Variants in METTL15 observed in about 807,000 individuals in gnomAD.
The protein encoded by METTL15 is methyltransferase 15, mitochondrial 12S rRNA N4-cytidine.
A neutral mutation model predicts 38.3 loss-of-function variants in METTL15; 34 were observed. The observed-to-expected ratio is 0.89, with a 90% confidence interval of 0.68 to 1.18. The LOEUF is 1.18. METTL15 is among the 50% of genes most tolerant of loss of function. The pLI is 0.00. For synonymous variants in METTL15, 162 were observed against 170.9 expected (o/e 0.95, Z 0.41); for missense variants, 438 against 498.4 (o/e 0.88, Z 1.15).
intron 6 of METTL15, among the ~76,000 whole-genome samples, chr11:28,303,306 G>T (rs1000594331): frequency 6.6e-6 from 1 of 152,032 alleles, no homozygotes; most frequent in African/African-American, 2.4e-5. Flanking sequence ...TAATAGTTAT[G>T]ATAATAATCA....
At chr11:28,455,216 CTTTTTTTT>C (rs34686157) in intron 6 of METTL15, among the ~76,000 whole-genome samples, 39 of 85,832 alleles carry the variant, frequency 4.5e-4, no homozygotes, top group African/African-American at 1.4e-3. Flanking sequence ...GATCAGCTAG[CTTTTTTTT>C]TTTTTTTTTT....
At chr11:28,223,962 T>A (rs564384395) in intron 4 of METTL15, among the ~76,000 whole-genome samples, 1 of 152,188 alleles carries the variant, frequency 6.6e-6, no homozygotes, top group South Asian at 2.1e-4. Flanking sequence ...ATACTAAGTT[T>A]AGAGAATATA....
chr11:28,385,960 A>G lies in METTL15; in HGVS notation c.*358+23924A>G, dbSNP rs956907534. On this transcript the variant is annotated intron_variant and NMD_transcript_variant, in intron 5 of 7. Transcript: ENST00000532947. ...ATTGTAAAATTATGTTAATGGATAC[A>G]AAATACATATAACAAACAAAGTATG... Among the ~76,000 whole-genome samples the G allele has an allele frequency of 3.9e-5, 6 of 152,148 alleles. No individual in the cohort carries two copies. The East Asian group carries it at 1.2e-3, about 29-fold the overall frequency.
At chr11:28,307,239 C>T (rs1857113515) in intron 6 of METTL15, among the ~76,000 whole-genome samples, 2 of 151,912 alleles carry the variant, frequency 1.3e-5, no homozygotes, top group Admixed American at 1.3e-4. Flanking sequence ...CTTCTTACCT[C>T]TCCTAATACA....
At position 28,332,433 on chromosome 11, in the gene METTL15, AT is replaced by A. The variant is rs1427637097; in HGVS notation, c.*1595del. 6.6e-6 allele frequency: 1 copy of A among 151,968 alleles called. No individual in the cohort carries two copies. The highest frequency in any genetic ancestry group is 1.5e-5 in the Non-Finnish European group (1 of 68,004). The allele number at this position is 151,968 out of a possible 1,614,324, so 9.4% of individuals were successfully genotyped here. On this transcript the variant is annotated 3_prime_UTR_variant, in exon 7 of 7. Coordinates refer to ENST00000407364, the MANE Select transcript of METTL15 (RefSeq NM_001113528.2). Reference sequence around the variant, plus strand: ...TTGTATATTCAACAATCTTTCACCTATTTCATAAGTCATTTTTTCACCCTGT... The same window carrying A: ...TTGTATATTCAACAATCTTTCACCTATTCATAAGTCATTTTTTCACCCTGT...
At chr11:28,377,753 A>C (rs1455004012) in intron 5 of METTL15, among the ~76,000 whole-genome samples, 1 of 151,888 alleles carries the variant, frequency 6.6e-6, no homozygotes, top group Non-Finnish European at 1.5e-5. Context: ...TAGAGTTTCC[A>C]GTTTTTCTGT....
At chr11:28,392,835 G>C (rs1243153360) in intron 5 of METTL15, among the ~76,000 whole-genome samples, 1 of 152,012 alleles carries the variant, frequency 6.6e-6, no homozygotes, top group Admixed American at 6.6e-5. Flanking sequence ...ATTAAAAACT[G>C]GGGAAAGTCC....
chr11:28,235,773 G>C (rs1325208755), intron 4 of METTL15, among the ~76,000 whole-genome samples: 8 of 152,022 alleles, frequency 5.3e-5, no homozygotes, highest in African/African-American at 1.2e-4. Flanking sequence ...TTGACTTCCT[G>C]TTTTCCCAAT....
chr11:28,283,625 G>A (rs546710848), intron 4 of METTL15, among the ~76,000 whole-genome samples: 1 of 152,220 alleles, frequency 6.6e-6, no homozygotes, highest in African/African-American at 2.4e-5. Context: ...TTTATAACTT[G>A]TACTACAAGT....
At chr11:28,368,152 C>CAAAAAAAAAAAAA (rs572862749) in intron 5 of METTL15, among the ~76,000 whole-genome samples, 2 of 108,704 alleles carry the variant, frequency 1.8e-5, no homozygotes, top group East Asian at 2.6e-4. Flanking sequence ...ACAAAAAAAA[C>CAAAAAAAAAAAAA]AAAAAAAAAA....
At chr11:28,372,246 T>A (rs1425895467) in intron 5 of METTL15, among the ~76,000 whole-genome samples, 1 of 152,066 alleles carries the variant, frequency 6.6e-6, no homozygotes, top group African/African-American at 2.4e-5. Context: ...ATGGTTTTTG[T>A]TCCTGGTTAT....
At chr11:28,174,739 C>T (rs531129106) in intron 3 of METTL15, among the ~76,000 whole-genome samples, 55 of 147,796 alleles carry the variant, frequency 3.7e-4, no homozygotes, top group East Asian at 1.2e-3. Context: ...GGTATGAAGC[C>T]GGGGGGCGGA....
intron 6 of METTL15, among the ~76,000 whole-genome samples, chr11:28,318,015 A>G (rs1857540021): frequency 1.3e-5 from 2 of 152,172 alleles, no homozygotes; most frequent in African/African-American, 2.4e-5. Context: ...CCAACTCCCA[A>G]TTTGCGTTTA....
chr11:28,150,121 C>A (rs1408029480), intron 3 of METTL15, among the ~76,000 whole-genome samples: 1 of 151,858 alleles, frequency 6.6e-6, no homozygotes, highest in Non-Finnish European at 1.5e-5. Context: ...TTAATCAGTT[C>A]TTATCCACTG....
intron 6 of METTL15, among the ~76,000 whole-genome samples, chr11:28,304,250 G>T (rs1285383821): frequency 2.0e-5 from 3 of 152,094 alleles, no homozygotes; most frequent in Non-Finnish European, 4.4e-5. Context: ...TAGGAGTTAT[G>T]TGACTTGTAG....
intron 6 of METTL15, among the ~76,000 whole-genome samples, chr11:28,425,593 A>G (rs939654674): frequency 2.6e-5 from 4 of 152,176 alleles, no homozygotes; most frequent in African/African-American, 9.7e-5. Flanking sequence ...CACTTCACCT[A>G]AGCGGCCTCA....
intron 4 of METTL15, among the ~76,000 whole-genome samples, chr11:28,288,717 G>C (rs147730183): frequency 6.6e-6 from 1 of 151,966 alleles, no homozygotes; most frequent in Admixed American, 6.6e-5. Context: ...ATGGATACTA[G>C]GCTTAATACC....
rs1384544739 is a variant in METTL15 at position 28,331,700 on chromosome 11, CTG to C, written c.*861_*862del. The C allele has an allele frequency of 1.3e-5, 2 of 152,084 alleles. No homozygotes were observed. Among genetic ancestry groups the C allele is most frequent in the Non-Finnish European group, 2.9e-5 (2 of 68,006 alleles). 9.4% of individuals were successfully genotyped at this position (152,084 alleles called of 1,614,324 possible). ...TAATGTTGTTACAAAGATATGGTAA[CTG>C]TAATATGGGTAAAAGTTTATTCAAG... is the stretch of plus-strand genomic sequence containing the variant. On this transcript the variant is annotated 3_prime_UTR_variant, in exon 7 of 7. Transcript: ENST00000407364.
intron 6 of METTL15, among the ~76,000 whole-genome samples, chr11:28,326,286 AG>A (rs1849631891): frequency 6.6e-6 from 1 of 151,074 alleles, no homozygotes; most frequent in East Asian, 2.0e-4. Flanking sequence ...TGAATCTGTT[AG>A]TTTTTTTTTT....
Sources: gnomAD v4.1 joint callset for allele counts (sites outside exome capture counted in the v4.1 genomes callset) on GRCh38, gnomAD v4.1.1 for gene constraint, MANE v1.5 for transcripts, NCBI Gene and HGNC (gene_info 2026-07-23, HGNC 2026-07-21) for gene names.